PRKG1: variants seen among roughly 807,000 people sequenced by gnomAD.
The protein encoded by PRKG1 is protein kinase cGMP-dependent 1.
A neutral mutation model predicts 88.1 loss-of-function variants in PRKG1; 35 were observed. The observed-to-expected ratio is 0.40, with a 90% CI of 0.30 to 0.53. The LOEUF (loss-of-function observed/expected upper bound fraction) is 0.53, where lower values mean the gene tolerates loss of function less well. Among genes scored for constraint, PRKG1 ranks in the 20% least tolerant of loss-of-function variants. PRKG1 has a pLI of 0.59. For missense variants in PRKG1, 540 were observed against 839.8 expected, an observed-to-expected ratio of 0.64 and a Z score of 4.41; for synonymous variants, 303 against 292.5, an observed-to-expected ratio of 1.04 and a Z score of -0.37.
At chr10:52,224,445 T>C (rs556455413) in intron 9 of PRKG1, among the ~76,000 whole-genome samples, 87 of 152,094 alleles carry the variant, frequency 5.7e-4, no homozygotes, top group Admixed American at 1.7e-3. Flanking sequence ...TTTAATTTTA[T>C]ATATATTTTT....
rs577569317 is a variant in PRKG1, at chr10:51,687,672, C to T, written c.593-116913C>T. On this transcript the variant is annotated intron_variant, in intron 3 of 17. Coordinates refer to ENST00000373980, the MANE Select transcript of PRKG1 (RefSeq NM_006258.4). ...TAGGTTTTATGAGATAATTTTTTGA[C>T]GAATGGTGGTGGCATTCATTCCAGA... Among the ~76,000 whole-genome samples, 21 of 152,240 alleles carry T rather than the reference C, an allele frequency of 1.4e-4. No homozygotes were observed. In the South Asian group the frequency reaches 2.1e-3, roughly 15 times the overall value.
intron 3 of PRKG1, among the ~76,000 whole-genome samples, chr10:51,749,498 C>T (rs1178790294): frequency 6.6e-6 from 1 of 152,056 alleles, no homozygotes. Flanking sequence ...GCCATGAAAC[C>T]TATCAGATTA....
chr10:51,818,814 T>C (rs1358557753), intron 4 of PRKG1, among the ~76,000 whole-genome samples: 1 of 102,594 alleles, frequency 9.7e-6, no homozygotes, highest in Admixed American at 8.2e-5. Flanking sequence ...GAGACCATCC[T>C]GGCTAAAACA....
chr10:51,363,633 T>C (rs376989739), intron 2 of PRKG1, among the ~76,000 whole-genome samples: 8 of 151,914 alleles, frequency 5.3e-5, no homozygotes, highest in African/African-American at 1.9e-4. Context: ...ATTCAGATCA[T>C]CATTAGAGAC....
At chr10:52,225,225 T>G (rs1479878871) in intron 9 of PRKG1, among the ~76,000 whole-genome samples, 1 of 152,188 alleles carries the variant, frequency 6.6e-6, no homozygotes, top group East Asian at 1.9e-4. Flanking sequence ...TGCATTTCCC[T>G]GATCATTAGT....
intron 5 of PRKG1, chr10:51,908,737 T>TATTTA (rs1842147947): frequency 1.2e-5 from 1 of 80,640 alleles, no homozygotes; most frequent in Admixed American, 1.1e-4. Context: ...ATATGTAATT[T>TATTTA]TTTTTTTTTT....
intron 4 of PRKG1, among the ~76,000 whole-genome samples, chr10:51,856,943 G>A (rs1378068086): frequency 7.0e-6 from 1 of 143,440 alleles, no homozygotes; most frequent in East Asian, 2.1e-4. Flanking sequence ...CAGTCTGGGC[G>A]ACAGAGCGAG....
chr10:52,196,663 G>A (rs534423324), intron 9 of PRKG1, among the ~76,000 whole-genome samples: 1 of 152,268 alleles, frequency 6.6e-6, no homozygotes, highest in East Asian at 1.9e-4. Flanking sequence ...AGGTGAACTT[G>A]CTAATGCAGC....
chr10:51,300,396 C>T (rs1240691673), intron 2 of PRKG1, among the ~76,000 whole-genome samples: 1 of 152,164 alleles, frequency 6.6e-6, no homozygotes, highest in Non-Finnish European at 1.5e-5. Context: ...AGTTGTGGGA[C>T]ATACCTTCAT....
chr10:51,333,312 A>T (rs960311020), intron 2 of PRKG1, among the ~76,000 whole-genome samples: 3 of 152,200 alleles, frequency 2.0e-5, no homozygotes, highest in Non-Finnish European at 4.4e-5. Flanking sequence ...AACTTAGCTC[A>T]TGTTAGTGCT....
At chr10:51,346,212 T>C (rs372911617) in intron 2 of PRKG1, among the ~76,000 whole-genome samples, 1 of 152,218 alleles carries the variant, frequency 6.6e-6, no homozygotes, top group African/African-American at 2.4e-5. Flanking sequence ...ATAATTTATT[T>C]CAAATTTTAG....
chr10:51,884,071 A>G (rs1301748538), intron 4 of PRKG1, among the ~76,000 whole-genome samples: 2 of 150,222 alleles, frequency 1.3e-5, no homozygotes, highest in Non-Finnish European at 3.0e-5. Flanking sequence ...TCCAAATACC[A>G]CTCAAGTAAA....
chr10:51,981,801 C>G (rs1026045500), intron 5 of PRKG1, among the ~76,000 whole-genome samples: 3 of 152,044 alleles, frequency 2.0e-5, no homozygotes, highest in African/African-American at 7.2e-5. Context: ...TGGGGATGAT[C>G]TTCTCGTGAA....
chr10:52,161,640 A>G (rs1838278324), intron 8 of PRKG1, among the ~76,000 whole-genome samples: 1 of 152,122 alleles, frequency 6.6e-6, no homozygotes, highest in Non-Finnish European at 1.5e-5. Flanking sequence ...TTTGCCAGAT[A>G]TGGTTGCCAG....
chr10:52,265,299 G>A (rs1349171587), intron 10 of PRKG1, among the ~76,000 whole-genome samples: 1 of 152,024 alleles, frequency 6.6e-6, no homozygotes, highest in Non-Finnish European at 1.5e-5. Flanking sequence ...CTCCTGCTGT[G>A]CATGGAAATG....
At chr10:51,823,866 CTTT>C (rs5784887) in intron 4 of PRKG1, among the ~76,000 whole-genome samples, 211 of 78,722 alleles carry the variant, frequency 2.7e-3, no homozygotes, top group African/African-American at 9.1e-3. Context: ...TTTCTCTCTC[CTTT>C]TTTTTTTTTT....
chr10:51,804,328 T>C lies in PRKG1; in HGVS notation c.593-257T>C, dbSNP rs558446041. ...TTAGACAATCAACCCCCAAGGGTCA[T>C]AGAGCAAGGGCAACAGGAATCTTCC... is the stretch of plus-strand genomic sequence containing the variant. On this transcript the variant is annotated intron_variant, in intron 3 of 17. Coordinates refer to ENST00000373980, the MANE Select transcript of PRKG1 (RefSeq NM_006258.4). Among the ~76,000 whole-genome samples, 4 of 152,222 alleles carry C rather than the reference T, an allele frequency of 2.6e-5. No homozygotes were observed. In the East Asian group the frequency reaches 7.7e-4, roughly 29 times the overall value.
chr10:51,020,336 C>A (rs77248368), intron 1 of PRKG1, among the ~76,000 whole-genome samples: 1 of 151,968 alleles, frequency 6.6e-6, no homozygotes, highest in African/African-American at 2.4e-5. Context: ...GATATATTCC[C>A]CAAAGAATTG....
chr10:51,045,649 C>T (rs1667324481), intron 1 of PRKG1, among the ~76,000 whole-genome samples: 1 of 152,256 alleles, frequency 6.6e-6, no homozygotes, highest in African/African-American at 2.4e-5. Context: ...TTTTCCTGTC[C>T]TTGTCCATAT....
Sources: gnomAD v4.1 joint callset for allele counts (sites outside exome capture counted in the v4.1 genomes callset) on GRCh38, gnomAD v4.1.1 for gene constraint, MANE v1.5 for transcripts, NCBI Gene and HGNC (gene_info 2026-07-23, HGNC 2026-07-21) for gene names.